The following SRGAP1 variants were observed in gnomAD, a reference collection of about 807,000 sequenced individuals.
SRGAP1 encodes SLIT-ROBO Rho GTPase activating protein 1.
SRGAP1 carries 43 observed loss-of-function variants against 121.9 expected under a neutral mutation model. That is an observed-to-expected ratio of 0.35 (90% CI 0.28 to 0.46). SRGAP1 has a LOEUF of 0.46. Ranked by LOEUF, SRGAP1 falls within the 20% of genes least tolerant of loss-of-function variation. The pLI is 1.00. For missense variants in SRGAP1, 1,102 were observed against 1,350.9 expected, an observed-to-expected ratio of 0.82 and a Z score of 2.89; for synonymous variants, 447 against 485.4, an observed-to-expected ratio of 0.92 and a Z score of 1.04.
intron 1 of SRGAP1, among the ~76,000 whole-genome samples, chr12:63,889,083 A>G (rs1235105532): frequency 6.6e-6 from 1 of 152,184 alleles, no homozygotes; most frequent in Non-Finnish European, 1.5e-5. Context: ...CATCATCTGC[A>G]CATGCTGTTC....
chr12:63,981,867 T>C (rs2033261662), intron 1 of SRGAP1, among the ~76,000 whole-genome samples: 3 of 152,168 alleles, frequency 2.0e-5, no homozygotes, highest in Non-Finnish European at 4.4e-5. Context: ...TTTGCCGGTA[T>C]GCAAGCCTGG....
At chr12:64,026,605 G>A (rs2034657318) in intron 4 of SRGAP1, among the ~76,000 whole-genome samples, 1 of 152,166 alleles carries the variant, frequency 6.6e-6, no homozygotes, top group South Asian at 2.1e-4. Context: ...AGTGGCTCAT[G>A]CCTGTAATCC....
chr12:64,066,568 G>A (rs1280383199), intron 8 of SRGAP1, among the ~76,000 whole-genome samples: 7 of 152,046 alleles, frequency 4.6e-5, no homozygotes, highest in African/African-American at 9.7e-5. Context: ...CAAGATGTTT[G>A]AGCTCTGTGT....
At chr12:63,939,045 C>T (rs1259029015) in intron 1 of SRGAP1, among the ~76,000 whole-genome samples, 3 of 150,746 alleles carry the variant, frequency 2.0e-5, no homozygotes, top group Non-Finnish European at 4.4e-5. Context: ...GTCCCAGCTA[C>T]TCAGCAGGCT....
intron 14 of SRGAP1, 125 bp from the exon 15 acceptor site, chr12:64,097,113 TATA>T: frequency 1.0e-6 from 1 of 968,118 alleles, no homozygotes; most frequent in Non-Finnish European, 1.4e-6. Flanking sequence ...TTTAGTACCA[TATA>T]ATCTTTCATA....
At chr12:63,899,542 G>GA (rs1480721250) in intron 1 of SRGAP1, among the ~76,000 whole-genome samples, 1 of 152,178 alleles carries the variant, frequency 6.6e-6, no homozygotes, top group Non-Finnish European at 1.5e-5. Context: ...ACAGAAAAAG[G>GA]AAAGTGGCTA....
intron 6 of SRGAP1, among the ~76,000 whole-genome samples, chr12:64,059,247 A>C (rs2035402079): frequency 6.6e-6 from 1 of 152,168 alleles, no homozygotes; most frequent in South Asian, 2.1e-4. Flanking sequence ...TTATTTCCCC[A>C]AAGAAGCTAC....
intron 1 of SRGAP1, among the ~76,000 whole-genome samples, chr12:63,982,015 A>C (rs559069490): frequency 6.6e-6 from 1 of 152,096 alleles, no homozygotes; most frequent in South Asian, 2.1e-4. Context: ...AGATCGAGAC[A>C]GTCCTGGCTA....
chr12:63,964,991 CCAGA>C (rs1186781696), intron 1 of SRGAP1, among the ~76,000 whole-genome samples: 1 of 152,148 alleles, frequency 6.6e-6, no homozygotes, highest in Non-Finnish European at 1.5e-5. Flanking sequence ...AGCTTTAGAG[CCAGA>C]CAAAGATGCA....
intron 10 of SRGAP1, among the ~76,000 whole-genome samples, chr12:64,082,138 A>G (rs1054598299): frequency 6.6e-6 from 1 of 151,084 alleles, no homozygotes; most frequent in African/African-American, 2.4e-5. Context: ...GTCCTACCCT[A>G]TGAGGATGGA....
At position 63,875,837 on chromosome 12, in the gene SRGAP1, C is replaced by T. The variant is rs181145236; in HGVS notation, c.67+30954C>T. Among the ~76,000 whole-genome samples the T allele has an allele frequency of 1.9e-3, 294 of 152,250 alleles. 2 individuals are homozygous for T. Among genetic ancestry groups the T allele is most frequent in the African/African-American group, 6.8e-3 (281 of 41,556 alleles). On this transcript the variant is annotated intron_variant, in intron 1 of 21. Transcript: ENST00000355086. The stretch of plus-strand genomic sequence containing the variant: ...TCTTAGTTGCAGTCACTTGCCAAGA[C>T]GGGCTGATCACTAAGAAATAAGGAA...
At chr12:63,993,858 T>TA (rs5798721) in intron 3 of SRGAP1, among the ~76,000 whole-genome samples, 4,325 of 139,026 alleles carry the variant, frequency 0.031, 194 homozygotes, top group African/African-American at 0.1. Context: ...TTCAACAGGT[T>TA]AAAAAAAAAA....
intron 1 of SRGAP1, among the ~76,000 whole-genome samples, chr12:63,859,651 C>T (rs1038985598): frequency 3.9e-5 from 6 of 152,126 alleles, no homozygotes; most frequent in African/African-American, 1.4e-4. Context: ...CAGTTATTTT[C>T]TATAATATAA....
At chr12:63,860,759 G>A (rs1408485558) in intron 1 of SRGAP1, among the ~76,000 whole-genome samples, 1 of 150,578 alleles carries the variant, frequency 6.6e-6, no homozygotes, top group Non-Finnish European at 1.5e-5. Flanking sequence ...TTACTGTATT[G>A]TATTTTCTGT....
intron 4 of SRGAP1, among the ~76,000 whole-genome samples, chr12:64,020,290 G>A (rs945420985): frequency 1.3e-5 from 2 of 152,116 alleles, no homozygotes; most frequent in Admixed American, 6.5e-5. Context: ...ATCATATGAT[G>A]ATATGATAGA....
In SRGAP1 at chr12:63,998,189, G is replaced by A. The variant is rs151255016; in HGVS notation, c.426+8117G>A. ...GGAAGAGACCTTCATGTTGTTCACT[G>A]AAACAATGACTGGCACAGAGTAGGT... On this transcript the variant is annotated intron_variant, in intron 3 of 21. Transcript: ENST00000355086. Among the ~76,000 whole-genome samples, 330 of 152,252 alleles carry A rather than the reference G, an allele frequency of 2.2e-3. 2 individuals carry two copies. Among genetic ancestry groups the A allele is most frequent in the African/African-American group, 7.6e-3 (316 of 41,544 alleles).
chr12:64,093,696 A>G (rs544647885), intron 12 of SRGAP1, among the ~76,000 whole-genome samples: 1 of 152,044 alleles, frequency 6.6e-6, no homozygotes, highest in Non-Finnish European at 1.5e-5. Context: ...TATTCTTAAG[A>G]CTCTTCTTTA....
At chr12:63,888,479 G>A (rs986427094) in intron 1 of SRGAP1, 5 of 152,058 alleles carry the variant, frequency 3.3e-5, no homozygotes, top group Non-Finnish European at 5.9e-5. Flanking sequence ...ATAAACCCGA[G>A]ATGCACCAGA....
At chr12:64,136,360 C>G (rs1317675331) in intron 21 of SRGAP1, among the ~76,000 whole-genome samples, 1 of 152,078 alleles carries the variant, frequency 6.6e-6, no homozygotes, top group African/African-American at 2.4e-5. Flanking sequence ...GACCAAGACC[C>G]TGTCTCCAAA....
Sources: allele counts gnomAD v4.1 joint callset (sites outside exome capture counted in the v4.1 genomes callset), GRCh38; gene constraint gnomAD v4.1.1; transcripts MANE v1.5; gene names NCBI Gene and HGNC (gene_info 2026-07-23, HGNC 2026-07-21).